Variants in GLB1L3 observed in about 807,000 individuals in gnomAD.
The protein encoded by GLB1L3 is galactosidase beta 1 like 3.
GLB1L3 carries 89 observed loss-of-function variants against 89.5 expected under a neutral mutation model. The observed-to-expected ratio is 0.99, with a 90% CI of 0.84 to 1.19. The LOEUF (loss-of-function observed/expected upper bound fraction) is 1.19, where lower values mean the gene tolerates loss of function less well. Among genes scored for constraint, GLB1L3 ranks in the 50% most tolerant of loss-of-function variants. GLB1L3 has a pLI of 0.00. For missense variants in GLB1L3, 812 were observed against 813.3 expected, an observed-to-expected ratio of 1.00 and a Z score of 0.02; for synonymous variants, 314 against 312.3, an observed-to-expected ratio of 1.01 and a Z score of -0.06.
chr11:134,284,722 C>T (rs1379267147), intron 6 of GLB1L3, among the ~76,000 whole-genome samples: 2 of 151,926 alleles, frequency 1.3e-5, no homozygotes, highest in Non-Finnish European at 2.9e-5. Flanking sequence ...GAGTGACACT[C>T]TGTCTCAAAA....
At chr11:134,295,206 T>C (rs1165026794) in intron 9 of GLB1L3, among the ~76,000 whole-genome samples, 1 of 152,248 alleles carries the variant, frequency 6.6e-6, no homozygotes, top group Non-Finnish European at 1.5e-5. Flanking sequence ...TTCTTAATGT[T>C]TGGTAACTTT....
At position 134,293,271 on chromosome 11, in the gene GLB1L3, G is replaced by A. The variant is rs937893715; in HGVS notation, c.876+62G>A. 15 of 1,339,544 alleles carry A rather than the reference G, an allele frequency of 1.1e-5. No individual in the cohort carries two copies. The African/African-American group carries it at 1.7e-4, about 16-fold the overall frequency. The allele number at this position is 1,339,544 out of a possible 1,614,324, so 83.0% of individuals were successfully genotyped here. ...TCCTACCATGACCTCCCTTGCCTAT[G>A]TAGCTGGTATTCCGTGAAAACAGGT... is the stretch of plus-strand genomic sequence containing the variant. On this transcript the variant is annotated intron_variant, in intron 9 of 19. Coordinates refer to ENST00000431683, the MANE Select transcript of GLB1L3 (RefSeq NM_001080407.3).
intron 3 of GLB1L3, among the ~76,000 whole-genome samples, chr11:134,279,502 G>A (rs1439459824): frequency 2.0e-5 from 3 of 151,570 alleles, no homozygotes; most frequent in Non-Finnish European, 4.4e-5. Flanking sequence ...GAGTAGCTGG[G>A]ATTATGGCTC....
intron 10 of GLB1L3, among the ~76,000 whole-genome samples, chr11:134,308,894 T>C (rs991697059): frequency 6.6e-6 from 1 of 152,212 alleles, no homozygotes; most frequent in Non-Finnish European, 1.5e-5. Context: ...ACAGCCAGAA[T>C]TGACTCCCAC....
intron 9 of GLB1L3, among the ~76,000 whole-genome samples, chr11:134,301,058 G>C (rs147339672): frequency 8.5e-5 from 13 of 152,318 alleles, no homozygotes; most frequent in African/African-American, 3.1e-4. Flanking sequence ...CTTGACTTCA[G>C]ACTCTCACGC....
rs952431344 is a variant in GLB1L3, at chr11:134,313,342, G to A, written c.1501-54G>A. ...GGACTCAGTGAAAAAACGGGTTGTCGGGTAGACGCCCTCCATGGCTGCGTG... is the reference window on the plus strand; with the variant it reads ...GGACTCAGTGAAAAAACGGGTTGTCAGGTAGACGCCCTCCATGGCTGCGTG... On this transcript the variant is annotated intron_variant, in intron 15 of 19. Transcript: ENST00000431683. 25 of 1,425,294 alleles carry A rather than the reference G, an allele frequency of 1.8e-5. No homozygotes were observed. The South Asian group carries it at 1.8e-4, about 11-fold the overall frequency. The allele number at this position is 1,425,294 out of a possible 1,614,324, so 88.3% of individuals were successfully genotyped here.
intron 7 of GLB1L3, 33 bp downstream of exon 7, chr11:134,288,923 A>T: frequency 6.9e-7 from 1 of 1,446,740 alleles, no homozygotes; most frequent in Non-Finnish European, 9.6e-7. Flanking sequence ...CCATGTTTAC[A>T]TGCCTCCTTC....
chr11:134,321,823 A>C (rs1297601929), downstream of GLB1L3, among the ~76,000 whole-genome samples: 3 of 152,142 alleles, frequency 2.0e-5, no homozygotes, highest in Admixed American at 6.5e-5. Context: ...AATGTAAATG[A>C]GGAGTTAATG....
chr11:134,314,666 A>C (rs967127907), intron 18 of GLB1L3, among the ~76,000 whole-genome samples: 1 of 152,208 alleles, frequency 6.6e-6, no homozygotes, highest in African/African-American at 2.4e-5. Flanking sequence ...AACAAGAGGG[A>C]GAGAGCAAAG....
chr11:134,293,863 G>A (rs910889161), intron 9 of GLB1L3, among the ~76,000 whole-genome samples: 1 of 152,014 alleles, frequency 6.6e-6, no homozygotes, highest in African/African-American at 2.4e-5. Context: ...AGGATGACAT[G>A]CAGCCCCCAC....
the GLB1L3 span, among the ~76,000 whole-genome samples, chr11:134,324,577 C>T: frequency 2.3e-4 from 35 of 152,132 alleles, no homozygotes; most frequent in Non-Finnish European, 4.4e-4. Context: ...CGACCACTAT[C>T]GTTTTTTCTT....
In GLB1L3 at chr11:134,276,724, G is replaced by T. The variant is rs2136097001; in HGVS notation, c.-17G>T. On this transcript the variant is annotated 5_prime_UTR_variant, in exon 1 of 20. Coordinates refer to ENST00000431683, the MANE Select transcript of GLB1L3 (RefSeq NM_001080407.3). ...GCGGAAGCCGCAAGGGACCCTCGGC[G>T]CCTCGGCCTGGCCGCGATGAAGTCC... The T allele has an allele frequency of 6.9e-7, 1 of 1,446,436 alleles. No homozygotes were observed. The highest frequency in any genetic ancestry group is 9.1e-7 in the Non-Finnish European group (1 of 1,101,250). 89.6% of individuals were successfully genotyped at this position (1,446,436 alleles called of 1,614,324 possible).
chr11:134,297,915 T>A (rs1941742014), intron 9 of GLB1L3, among the ~76,000 whole-genome samples: 1 of 149,916 alleles, frequency 6.7e-6, no homozygotes, highest in Admixed American at 6.6e-5. Context: ...ATATATAATT[T>A]AAAAATTAAC....
At chr11:134,279,216 A>G (rs1940545937) in intron 3 of GLB1L3, among the ~76,000 whole-genome samples, 1 of 152,074 alleles carries the variant, frequency 6.6e-6, no homozygotes, top group African/African-American at 2.4e-5. Context: ...CTCTGTGACT[A>G]CTATCTTTTG....
chr11:134,312,633 A>G, intron 14 of GLB1L3, 144 bp downstream of exon 14: 1 of 1,147,314 alleles, frequency 8.7e-7, no homozygotes, highest in South Asian at 1.5e-5. Context: ...CAGGCCAAAT[A>G]GACTTGCTTT....
chr11:134,298,602 A>C (rs888908772), intron 9 of GLB1L3, among the ~76,000 whole-genome samples: 6 of 152,146 alleles, frequency 3.9e-5, no homozygotes, highest in African/African-American at 1.2e-4. Context: ...TATTCTCATG[A>C]TAGTGAATAA....
intron 9 of GLB1L3, among the ~76,000 whole-genome samples, chr11:134,293,549 G>GT (rs1157609495): frequency 6.6e-6 from 1 of 152,106 alleles, no homozygotes. Context: ...GGGAGTTCTG[G>GT]TGGGGCTAGC....
In GLB1L3 at chr11:134,283,677, C is replaced by A. The variant is rs562507189; in HGVS notation, c.528-60C>A. 7.0e-5 allele frequency: 66 copies of A among 943,098 alleles called. No homozygotes were observed. The African/African-American group carries it at 1.0e-3, about 14-fold the overall frequency. 58.4% of individuals were successfully genotyped at this position (943,098 alleles called of 1,614,324 possible). ...CGGCGAGCCGGGGCAGCTCTGAGCC[C>A]ACTCCTGCTTCCCTCTCCCAACCCG... On this transcript the variant is annotated intron_variant, in intron 5 of 19. Transcript: ENST00000431683.
At chr11:134,284,924 C>CTT (rs536491197) in intron 6 of GLB1L3, among the ~76,000 whole-genome samples, 28 of 73,998 alleles carry the variant, frequency 3.8e-4, no homozygotes, top group African/African-American at 7.9e-4. Flanking sequence ...CATGCATTGC[C>CTT]TTTTTTTTTT....
Sources: allele counts gnomAD v4.1 joint callset (sites outside exome capture counted in the v4.1 genomes callset), GRCh38; gene constraint gnomAD v4.1.1; transcripts MANE v1.5; gene names NCBI Gene and HGNC (gene_info 2026-07-23, HGNC 2026-07-21).